The following SPAG9 variants were observed in gnomAD, a reference collection of about 807,000 sequenced individuals.
SPAG9 encodes the protein sperm associated antigen 9.
In SPAG9, 35 loss-of-function variants were observed where a neutral mutation model predicts 166.5. The observed-to-expected ratio is 0.21, with a 90% CI of 0.16 to 0.28. SPAG9 has a LOEUF of 0.28. Among genes scored for constraint, SPAG9 ranks in the 10% least tolerant of loss-of-function variants. SPAG9 has a pLI of 1.00. For missense variants in SPAG9, 1,235 were observed against 1,603.3 expected, an observed-to-expected ratio of 0.77 and a Z score of 3.92; for synonymous variants, 534 against 565.5, an observed-to-expected ratio of 0.94 and a Z score of 0.79.
intron 19 of SPAG9, among the ~76,000 whole-genome samples, chr17:50,991,076 T>C (rs931437105): frequency 6.6e-6 from 1 of 151,854 alleles, no homozygotes; most frequent in Non-Finnish European, 1.5e-5. Flanking sequence ...CTGGCTAATT[T>C]TTGTATTTTT....
rs747098443 is a variant in SPAG9 at position 50,964,752 on chromosome 17, T to C, written c.*1520A>G. The C allele has an allele frequency of 2.2e-4, 98 of 453,700 alleles. No individual in the cohort carries two copies. Among genetic ancestry groups the C allele is most frequent in the Non-Finnish European group, 4.0e-4 (90 of 225,762 alleles). The allele number at this position is 453,700 out of a possible 1,614,324, so 28.1% of individuals were successfully genotyped here. A position where few individuals can be genotyped will look rare whatever the true frequency, so the allele number is the denominator to read the frequency against. ...TGAAATCCAGACTTTAATCTATTTT[T>C]TGCTTGTTTGTCTGTTTTGAGACAG... On this transcript the variant is annotated 3_prime_UTR_variant, in exon 30 of 30. Coordinates refer to ENST00000262013, the MANE Select transcript of SPAG9 (RefSeq NM_001130528.3).
intron 1 of SPAG9, among the ~76,000 whole-genome samples, chr17:51,091,200 G>T (rs2048454606): frequency 6.6e-6 from 1 of 151,124 alleles, no homozygotes; most frequent in Non-Finnish European, 1.5e-5. Flanking sequence ...CCAAGCCCAG[G>T]AGGCAGAGGT....
Position 51,059,747 on chromosome 17 carries a change from C to T in SPAG9, c.425-3265G>A, listed in dbSNP as rs200032124. On this transcript the variant is annotated intron_variant, in intron 2 of 29. Transcript: ENST00000262013. ...TTGCGCCACTGCAACTCCAGCCTGG[C>T]GACAGAGTGTGACTCCATCTCAAAA... is the stretch of plus-strand genomic sequence containing the variant. Among the ~76,000 whole-genome samples, 8 of 151,054 alleles carry T rather than the reference C, an allele frequency of 5.3e-5. No homozygotes were observed. In the East Asian group the frequency reaches 1.2e-3, roughly 22 times the overall value.
chr17:51,101,130 G>C (rs574828386), intron 1 of SPAG9, among the ~76,000 whole-genome samples: 2 of 151,812 alleles, frequency 1.3e-5, no homozygotes, highest in African/African-American at 2.4e-5. Flanking sequence ...GGTGGATCAC[G>C]AGGTCAAGAG....
chr17:51,066,751 G>C (rs943288455), intron 2 of SPAG9, among the ~76,000 whole-genome samples: 1 of 151,314 alleles, frequency 6.6e-6, no homozygotes, highest in Admixed American at 6.6e-5. Flanking sequence ...AATTAGCCAG[G>C]CATGGTGGCA....
At chr17:50,967,160 T>A (rs1359208991) in intron 29 of SPAG9, among the ~76,000 whole-genome samples, 6 of 152,178 alleles carry the variant, frequency 3.9e-5, no homozygotes, top group African/African-American at 1.4e-4. Context: ...GGGCATACCA[T>A]AATTCTCGAT....
chr17:51,030,223 T>C (rs1240905662), intron 6 of SPAG9, among the ~76,000 whole-genome samples: 1 of 152,214 alleles, frequency 6.6e-6, no homozygotes, highest in Admixed American at 6.5e-5. Flanking sequence ...TAACAGACTA[T>C]AAACTATGTT....
intron 1 of SPAG9, among the ~76,000 whole-genome samples, chr17:51,102,731 T>C (rs2048842047): frequency 6.6e-6 from 1 of 152,040 alleles, no homozygotes; most frequent in South Asian, 2.1e-4. Context: ...CTCGAACCCC[T>C]GACCTCAAAT....
chr17:51,113,055 G>T (rs1218015675), intron 1 of SPAG9, among the ~76,000 whole-genome samples: 1 of 151,170 alleles, frequency 6.6e-6, no homozygotes, highest in Non-Finnish European at 1.5e-5. Context: ...TTAAAAATAT[G>T]AAAAAATGTT....
At position 50,993,895 on chromosome 17, in the gene SPAG9, C is replaced by T. The variant is rs369669997; in HGVS notation, c.2267G>A (p.Ser756Asn). 3.1e-6 allele frequency: 5 copies of T among 1,614,048 alleles called. No individual in the cohort carries two copies. In the African/African-American group the frequency reaches 6.7e-5, roughly 22 times the overall value. ...KELKNQEELS[S>N]LVWICTSTHS... ...AGTGCTGGTACAGATCCAAACTAGA[C>T]TGGATAATTCTTCTTGATTTTTTAA... The change falls in exon 19 of 30, where the codon AGT becomes AAT. Residue 756 changes from serine to asparagine, a missense_variant. Ser to Asn is a conservative substitution (Grantham distance 46). Around this residue, in one of 6 missense-constraint regions of SPAG9, gnomAD observed 493 missense variants for 559.4 expected, o/e 0.88. Coordinates refer to ENST00000262013, the MANE Select transcript of SPAG9 (RefSeq NM_001130528.3).
At chr17:50,975,796 G>A (rs1974166106) in intron 27 of SPAG9, 2 of 1,158,552 alleles carry the variant, frequency 1.7e-6, no homozygotes, top group Non-Finnish European at 1.2e-6. Context: ...TTCTAGAGGA[G>A]TGGTAACAGC....
intron 1 of SPAG9, among the ~76,000 whole-genome samples, chr17:51,116,173 G>A (rs930656987): frequency 6.6e-6 from 1 of 152,052 alleles, no homozygotes; most frequent in Non-Finnish European, 1.5e-5. Context: ...AGCCTCCCCA[G>A]TAGCTGGGAT....
chr17:51,026,086 T>C (rs910884388), intron 6 of SPAG9, among the ~76,000 whole-genome samples: 1 of 152,148 alleles, frequency 6.6e-6, no homozygotes, highest in Non-Finnish European at 1.5e-5. Context: ...ATCTTGGAAT[T>C]CTCATTTACC....
At chr17:50,967,114 G>C (rs1461686026) in intron 29 of SPAG9, among the ~76,000 whole-genome samples, 1 of 152,138 alleles carries the variant, frequency 6.6e-6, no homozygotes, top group East Asian at 1.9e-4. Context: ...GCCCAGTCTG[G>C]GGTACACCAC....
At chr17:51,074,685 T>C (rs2047917431) in intron 2 of SPAG9, among the ~76,000 whole-genome samples, 1 of 152,192 alleles carries the variant, frequency 6.6e-6, no homozygotes, top group South Asian at 2.1e-4. Flanking sequence ...CCTAGAGTAT[T>C]GTCAATTATT....
intron 1 of SPAG9, among the ~76,000 whole-genome samples, chr17:51,106,728 C>T (rs2048960755): frequency 6.6e-6 from 1 of 151,990 alleles, no homozygotes; most frequent in South Asian, 2.1e-4. Flanking sequence ...ACCTGGGAGG[C>T]GGAGGTTGCA....
intron 20 of SPAG9, 45 bp from the exon 21 acceptor site, chr17:50,989,917 TCCA>T: frequency 1.3e-6 from 2 of 1,518,172 alleles, no homozygotes; most frequent in Non-Finnish European, 1.8e-6. Context: ...GCTTTTCTCC[TCCA>T]ATTATTTCCC....
intron 21 of SPAG9, 112 bp from the exon 22 acceptor site, chr17:50,987,349 T>C: frequency 1.0e-6 from 1 of 997,794 alleles, no homozygotes; most frequent in Non-Finnish European, 1.4e-6. Context: ...ATTATTTATT[T>C]ATTTTTTAGA....
chr17:50,997,968 T>C (rs2044750253), intron 15 of SPAG9, among the ~76,000 whole-genome samples: 1 of 142,976 alleles, frequency 7.0e-6, no homozygotes, highest in African/African-American at 2.6e-5. Flanking sequence ...GCAATTTTCA[T>C]AAAAACTTTT....
Sources: allele counts gnomAD v4.1 joint callset (sites outside exome capture counted in the v4.1 genomes callset), GRCh38; gene constraint gnomAD v4.1.1; regional missense constraint gnomAD v4.1.1; transcripts MANE v1.5; gene names NCBI Gene and HGNC (gene_info 2026-07-23, HGNC 2026-07-21).